The following VWA3B variants were observed in gnomAD, a reference collection of about 807,000 sequenced individuals.
VWA3B encodes von Willebrand factor A domain containing 3B, also known as von Willebrand factor A domain-containing protein 3B.
A neutral mutation model predicts 158.3 loss-of-function variants in VWA3B; 138 were observed. That is an observed-to-expected ratio of 0.87 (90% CI 0.76 to 1.00). The LOEUF (loss-of-function observed/expected upper bound fraction) is 1.00. VWA3B is among the 50% of genes least tolerant of loss of function. VWA3B has a pLI of 0.00. For synonymous variants in VWA3B, 596 were observed against 587.3 expected (o/e 1.01, Z -0.21); for missense variants, 1,555 against 1,565.1 (o/e 0.99, Z 0.11).
chr2:98,305,982 C>T (rs1690499294), intron 26 of VWA3B, among the ~76,000 whole-genome samples: 1 of 152,132 alleles, frequency 6.6e-6, no homozygotes, highest in Non-Finnish European at 1.5e-5. Context: ...CTCACTTGTC[C>T]CTAGCCACTC....
chr2:98,250,988 T>C (rs1288642359), intron 20 of VWA3B, among the ~76,000 whole-genome samples: 1 of 152,078 alleles, frequency 6.6e-6, no homozygotes, highest in Non-Finnish European at 1.5e-5. Context: ...TAGTCCCAGC[T>C]ACTTGGGAGG....
Position 98,219,148 on chromosome 2 carries a change from A to AT in VWA3B, c.2019+1120_2019+1121insT, listed in dbSNP as rs536109143. Among the ~76,000 whole-genome samples, 428 of 152,354 alleles carry AT rather than the reference A, an allele frequency of 2.8e-3. 2 individuals carry two copies. Among genetic ancestry groups the AT allele is most frequent in the African/African-American group, 9.9e-3 (411 of 41,580 alleles). The stretch of plus-strand genomic sequence containing the variant: ...ACAACCGAATATTACTAGGCATGCG[A>AT]AAAAGTAGGAAAATACAGACCCATA... On this transcript the variant is annotated intron_variant, in intron 14 of 27. Coordinates refer to ENST00000477737, the MANE Select transcript of VWA3B (RefSeq NM_144992.5).
chr2:98,133,002 G>T (rs1475434799), intron 6 of VWA3B, among the ~76,000 whole-genome samples: 1 of 152,176 alleles, frequency 6.6e-6, no homozygotes, highest in Non-Finnish European at 1.5e-5. Flanking sequence ...CTCCTGCGTG[G>T]CTGGTGGAGC....
intron 21 of VWA3B, among the ~76,000 whole-genome samples, chr2:98,269,804 G>T (rs1458475998): frequency 2.6e-5 from 4 of 152,154 alleles, no homozygotes. Context: ...TGAGGGCCTG[G>T]GTTTTTATTC....
intron 2 of VWA3B, among the ~76,000 whole-genome samples, chr2:98,101,911 T>C (rs1683101126): frequency 6.6e-6 from 1 of 152,060 alleles, no homozygotes; most frequent in African/African-American, 2.4e-5. Flanking sequence ...TTCTTGGGTG[T>C]TTCTCAGAGA....
intron 12 of VWA3B, among the ~76,000 whole-genome samples, chr2:98,199,027 C>T (rs1319146099): frequency 6.6e-6 from 1 of 150,500 alleles, no homozygotes; most frequent in Non-Finnish European, 1.5e-5. Context: ...GCAGAGCTTC[C>T]AGTGAGCCGA....
At chr2:98,281,739 G>A (rs1688888661) in intron 22 of VWA3B, among the ~76,000 whole-genome samples, 1 of 152,134 alleles carries the variant, frequency 6.6e-6, no homozygotes, top group Non-Finnish European at 1.5e-5. Context: ...ATATCACCGA[G>A]ATTGAATCTG....
chr2:98,129,224 A>AGAGAGT (rs1370543551), intron 6 of VWA3B, among the ~76,000 whole-genome samples: 10,226 of 124,314 alleles, frequency 0.082, 469 homozygotes, highest in Non-Finnish European at 0.12. Flanking sequence ...AGAGAGAGAG[A>AGAGAGT]GTGTGTGTGT....
chr2:98,196,455 G>A (rs549089771), intron 12 of VWA3B, among the ~76,000 whole-genome samples: 16 of 151,928 alleles, frequency 1.1e-4, no homozygotes, highest in Admixed American at 4.6e-4. Context: ...TTATTCTTTC[G>A]GCTGATTTGG....
At chr2:98,177,618 A>G (rs1244648776) in intron 8 of VWA3B, among the ~76,000 whole-genome samples, 3 of 145,174 alleles carry the variant, frequency 2.1e-5, no homozygotes, top group Non-Finnish European at 4.5e-5. Context: ...TTTGGTTTTG[A>G]TTGCTTGGTC....
chr2:98,269,504 C>T (rs778757698), intron 21 of VWA3B: 1 of 152,200 alleles, frequency 6.6e-6, no homozygotes, highest in Non-Finnish European at 1.5e-5. Flanking sequence ...AAGACGGAAA[C>T]CTATTTCTTC....
At chr2:98,209,669 T>C (rs1683335849) in intron 12 of VWA3B, among the ~76,000 whole-genome samples, 1 of 152,236 alleles carries the variant, frequency 6.6e-6, no homozygotes, top group Admixed American at 6.5e-5. Flanking sequence ...TCTAGTGGTA[T>C]GAATAGTATT....
the VWA3B span, among the ~76,000 whole-genome samples, chr2:98,321,874 C>T: frequency 6.6e-6 from 1 of 152,156 alleles, no homozygotes; most frequent in African/African-American, 2.4e-5. Flanking sequence ...ATCCAAATCT[C>T]ATCTTGAATT....
chr2:98,261,934 T>A (rs986169562), intron 21 of VWA3B, among the ~76,000 whole-genome samples: 12 of 151,814 alleles, frequency 7.9e-5, no homozygotes, highest in African/African-American at 2.7e-4. Context: ...CTTCTCCACA[T>A]CCTTGGCAAC....
intron 1 of VWA3B, among the ~76,000 whole-genome samples, chr2:98,088,573 ACT>A (rs1040549194): frequency 6.6e-6 from 1 of 151,308 alleles, no homozygotes; most frequent in Non-Finnish European, 1.5e-5. Context: ...TCCTATCCAA[ACT>A]CTATGTATGG....
intron 20 of VWA3B, among the ~76,000 whole-genome samples, chr2:98,253,109 A>G (rs967571285): frequency 2.0e-5 from 3 of 152,138 alleles, no homozygotes; most frequent in African/African-American, 7.2e-5. Flanking sequence ...GATCATTTGC[A>G]TTCAATTGTG....
intron 14 of VWA3B, among the ~76,000 whole-genome samples, chr2:98,227,399 T>C (rs1574136790): frequency 6.6e-6 from 1 of 152,200 alleles, no homozygotes; most frequent in Admixed American, 6.5e-5. Flanking sequence ...CCTAGATATT[T>C]ATTCAGGAGG....
At chr2:98,229,397 G>A (rs1238242429) in intron 15 of VWA3B, among the ~76,000 whole-genome samples, 1 of 152,244 alleles carries the variant, frequency 6.6e-6, no homozygotes, top group Non-Finnish European at 1.5e-5. Context: ...GGGCAGTGGT[G>A]CAGGAGGGAG....
chr2:98,145,495 C>T (rs1270150935), intron 7 of VWA3B, among the ~76,000 whole-genome samples: 1 of 152,222 alleles, frequency 6.6e-6, no homozygotes, highest in Non-Finnish European at 1.5e-5. Flanking sequence ...AGACTGTTCT[C>T]ATAACCATTG....
Sources: gnomAD v4.1 joint callset for allele counts (sites outside exome capture counted in the v4.1 genomes callset) on GRCh38, gnomAD v4.1.1 for gene constraint, MANE v1.5 for transcripts, NCBI Gene and HGNC (gene_info 2026-07-23, HGNC 2026-07-21) for gene names.